Variants in PLK3 observed in about 807,000 individuals in gnomAD.
PLK3 encodes the protein polo like kinase 3.
In PLK3, 41 loss-of-function variants were observed where a neutral mutation model predicts 71.6. The observed-to-expected ratio is 0.57, with a 90% CI of 0.45 to 0.74. PLK3 has a LOEUF of 0.74. Ranked by LOEUF, PLK3 falls within the 30% of genes least tolerant of loss-of-function variation. The pLI, the probability that PLK3 is intolerant of heterozygous loss-of-function variation, is 0.00. For synonymous variants in PLK3, 366 were observed against 355.4 expected (o/e 1.03, Z -0.33); for missense variants, 791 against 875.6 (o/e 0.90, Z 1.22).
At position 44,800,482 on chromosome 1, in the gene PLK3, T is replaced by C; in HGVS notation, c.19T>C (p.Phe7Leu). Residue 7 changes from phenylalanine to leucine, a missense_variant, in exon 1 of 15, where the codon TTC becomes CTC. Phe to Leu is a conservative substitution (Grantham distance 22). Transcript: ENST00000372201. The surrounding 1 kb of genome is among the most constrained non-coding windows in gnomAD (Gnocchi z 6.5). Reference sequence around the variant, plus strand: ...CGGCCGCATGGAGCCTGCCGCCGGTTTCCTGTCTCCGCGCCCCTTCCAGCG... The same window carrying C: ...CGGCCGCATGGAGCCTGCCGCCGGTCTCCTGTCTCCGCGCCCCTTCCAGCG... MEPAAG[F>L]LSPRPFQRAA... 1 of 1,429,870 alleles carries C rather than the reference T, an allele frequency of 7.0e-7. No homozygotes were observed. The highest frequency in any genetic ancestry group is 9.1e-7 in the Non-Finnish European group (1 of 1,097,732). The allele number at this position is 1,429,870 out of a possible 1,614,324, so 88.6% of individuals were successfully genotyped here.
chr1:44,804,827 C>G (rs753842287), intron 13 of PLK3, 48 bp downstream of exon 13: 2 of 1,595,862 alleles, frequency 1.3e-6, no homozygotes, highest in Admixed American at 3.4e-5. Context: ...CCATCCTGGC[C>G]GGGTGCGGTG....
Position 44,804,008 on chromosome 1 carries a change from G to A in PLK3, c.1242G>A (p.Leu414=). Residue 414 remains leucine (L), a synonymous_variant, in exon 10 of 15, where the codon CTG becomes CTA. Coordinates refer to ENST00000372201, the MANE Select transcript of PLK3 (RefSeq NM_004073.4). ...AAGACAGCTCACCCCGTGGGACACTGGCAAGCAGTGGAGATGGTGAGGAGC... is the reference window on the plus strand; with the variant it reads ...AAGACAGCTCACCCCGTGGGACACTAGCAAGCAGTGGAGATGGTGAGGAGC... ...APEDSSPRGT[L]ASSGDGFEEG... 1 of 1,554,486 alleles carries A rather than the reference G, an allele frequency of 6.4e-7. No homozygotes were observed. The highest frequency in any genetic ancestry group is 2.4e-5 in the East Asian group (1 of 41,332).
At chr1:44,802,050 G>A (rs1365637076) in intron 5 of PLK3, 118 bp downstream of exon 5, 38 of 777,770 alleles carry the variant, frequency 4.9e-5, no homozygotes, top group Non-Finnish European at 1.7e-5. Flanking sequence ...AATGGGAAGG[G>A]ATGATGGGCT....
chr1:44,804,435 T>A lies in PLK3; in HGVS notation c.1439T>A (p.Leu480Gln), dbSNP rs1651940299. ...AATAAGTTCGGCTTTGGGTATCAAC[T>A]GTCCAGCCGCCGTGTGGCTGTGCTC... is the stretch of plus-strand genomic sequence containing the variant. The part of the protein sequence containing the change: ...YSNKFGFGYQ[L>Q]SSRRVAVLFN... The change falls in exon 12 of 15, where the codon CTG becomes CAG. Residue 480 changes from leucine (L) to glutamine (Q), a missense_variant. By Grantham distance (113) the Leu-to-Gln change is moderately radical. Transcript: ENST00000372201. 5 of 1,614,104 alleles carry A rather than the reference T, an allele frequency of 3.1e-6. No homozygotes were observed. The highest frequency in any genetic ancestry group is 4.2e-6 in the Non-Finnish European group (5 of 1,180,040).
intron 3 of PLK3, 51 bp downstream of exon 3, chr1:44,801,203 CTTTT>C (rs34463102): frequency 6.1e-3 from 2,088 of 341,952 alleles, no homozygotes; most frequent in East Asian, 0.013. Flanking sequence ...AGAAGACAGT[CTTTT>C]TTTTTTTTTT....
In PLK3 at chr1:44,803,736, C is replaced by G; in HGVS notation, c.1164+45C>G. 6.9e-7 allele frequency: 1 copy of G among 1,448,268 alleles called. No individual in the cohort carries two copies. The highest frequency in any genetic ancestry group is 1.7e-4 in the Middle Eastern group (1 of 5,762). The allele number at this position is 1,448,268 out of a possible 1,614,324, so 89.7% of individuals were successfully genotyped here. ...ACTGTTCCCCTGACTCACCCCCACC[C>G]TAGCAGCTGAGGGAAGCCGGGGATA... is the stretch of plus-strand genomic sequence containing the variant. On this transcript the variant is annotated intron_variant, in intron 9 of 14. Transcript: ENST00000372201. The surrounding 1 kb of genome is among the most constrained non-coding windows in gnomAD (Gnocchi z 4.3).
In PLK3 at chr1:44,801,944, G is replaced by A. The variant is rs1420065893; in HGVS notation, c.653+12G>A. The A allele has an allele frequency of 6.2e-7, 1 of 1,600,536 alleles. No homozygotes were observed. Among genetic ancestry groups the A allele is most frequent in the African/African-American group, 1.3e-5 (1 of 74,636 alleles). On this transcript the variant is annotated intron_variant, in intron 5 of 14. Transcript: ENST00000372201. ...GAGCAGAGGAAGAAGTGAGTTTTGAGGAAAGGGGCCCTGTGTGTGATACAG... is the reference window on the plus strand; with the variant it reads ...GAGCAGAGGAAGAAGTGAGTTTTGAAGAAAGGGGCCCTGTGTGTGATACAG...
rs1245269567 is a variant in PLK3, at chr1:44,805,109, A to C, written c.1636-157A>C. On this transcript the variant is annotated intron_variant, in intron 13 of 14. Transcript: ENST00000372201. ...CAACAGAGCGAGACTCCATCTCAAA[A>C]AAAAAAAATAAAGAAAAGAAAACTA... The C allele has an allele frequency of 5.0e-6, 3 of 605,212 alleles. No homozygotes were observed. In the African/African-American group the frequency reaches 5.6e-5, roughly 11 times the overall value. 37.5% of individuals were successfully genotyped at this position (605,212 alleles called of 1,614,324 possible). A position where few individuals can be genotyped will look rare whatever the true frequency, so the allele number is the denominator to read the frequency against.
rs1651938705 is a variant in PLK3 at position 44,804,382 on chromosome 1, G to A, written c.1386G>A (p.Val462=). Residue 462 remains valine (V), a synonymous_variant, in exon 12 of 15, where the codon GTG becomes GTA. Transcript: ENST00000372201. ...CCCTGGCCCAGCCAGAGCCTCTGGT[G>A]TGGGTCAGCAAGTGGGTTGACTACT... is the stretch of plus-strand genomic sequence containing the variant. The part of the protein sequence containing the change: ...PAPLAQPEPL[V]WVSKWVDYSN... 6.2e-7 allele frequency: 1 copy of A among 1,614,192 alleles called. No individual in the cohort carries two copies. The highest frequency in any genetic ancestry group is 8.5e-7 in the Non-Finnish European group (1 of 1,180,018).
In PLK3 at chr1:44,801,876, G is replaced by C. The variant is rs1156433401; in HGVS notation, c.597G>C (p.Leu199=). The C allele has an allele frequency of 1.2e-6, 2 of 1,613,996 alleles. No homozygotes were observed. The highest frequency in any genetic ancestry group is 1.7e-6 in the Non-Finnish European group (2 of 1,179,942). ...GNFFITENME[L]KVGDFGLAAR... Reference sequence around the variant, plus strand: ...TTTTCATCACTGAGAACATGGAACTGAAGGTGGGGGATTTTGGGCTGGCAG... The same window carrying C: ...TTTTCATCACTGAGAACATGGAACTCAAGGTGGGGGATTTTGGGCTGGCAG... Residue 199 remains leucine, a synonymous_variant, in exon 5 of 15, where the codon CTG becomes CTC. Coordinates refer to ENST00000372201, the MANE Select transcript of PLK3 (RefSeq NM_004073.4).
At position 44,800,679 on chromosome 1, in the gene PLK3, C is replaced by A; in HGVS notation, c.210+6C>A. The A allele has an allele frequency of 1.3e-6, 2 of 1,552,006 alleles. No homozygotes were observed. Among genetic ancestry groups the A allele is most frequent in the Admixed American group, 1.9e-5 (1 of 52,288 alleles). On this transcript the variant is annotated splice_donor_region_variant and intron_variant, in intron 1 of 14. Transcript: ENST00000372201. The surrounding 1 kb of genome is among the most constrained non-coding windows in gnomAD (Gnocchi z 6.5). ...AAGGCCGCTTGTTGGGCAAGGTGGG[C>A]CGAGGGACGTCCGCGGGGTGGTGAT...
intron 13 of PLK3, chr1:44,805,061 G>A (rs4520451): frequency 1.4e-5 from 8 of 581,864 alleles, no homozygotes; most frequent in East Asian, 5.7e-5. Flanking sequence ...CAGAGATGGC[G>A]CACCATTGCA....
Position 44,803,816 on chromosome 1 carries a change from C to A in PLK3, c.1165-115C>A. 8.8e-7 allele frequency: 1 copy of A among 1,130,130 alleles called. No individual in the cohort carries two copies. The highest frequency in any genetic ancestry group is 1.3e-6 in the Non-Finnish European group (1 of 765,740). The allele number at this position is 1,130,130 out of a possible 1,614,324, so 70.0% of individuals were successfully genotyped here. On this transcript the variant is annotated intron_variant, in intron 9 of 14. Transcript: ENST00000372201. This position sits in a 1 kb window ranked among gnomAD's most constrained non-coding sequence, Gnocchi z 4.3. ...GGTGGCCTAATTGGCTGTGTGTCAC[C>A]AGCCTGGCGGGGCTGACCTGGGGTG... is the stretch of plus-strand genomic sequence containing the variant.
Position 44,800,438 on chromosome 1 carries a change from G to T in PLK3, c.-26G>T. ...GGGGCCGGGCGGAACCGAGAAGCCG[G>T]GACCGCGCTGCGACGCGCCGGCCGC... is the stretch of plus-strand genomic sequence containing the variant. On this transcript the variant is annotated 5_prime_UTR_variant, in exon 1 of 15. Transcript: ENST00000372201. The surrounding 1 kb of genome is among the most constrained non-coding windows in gnomAD (Gnocchi z 6.5). 1 of 1,322,994 alleles carries T rather than the reference G, an allele frequency of 7.6e-7. No individual in the cohort carries two copies. Among genetic ancestry groups the T allele is most frequent in the African/African-American group, 1.6e-5 (1 of 64,348 alleles). The allele number at this position is 1,322,994 out of a possible 1,614,324, so 82.0% of individuals were successfully genotyped here. A position where few individuals can be genotyped will look rare whatever the true frequency, so the allele number is the denominator to read the frequency against.
rs781376121 is a variant in PLK3, at chr1:44,804,025, G to T, written c.1258+1G>T. The T allele has an allele frequency of 2.6e-6, 4 of 1,553,488 alleles. No homozygotes were observed. The African/African-American group carries it at 5.5e-5, about 21-fold the overall frequency. On this transcript the variant is annotated splice_donor_variant, in intron 10 of 14. Coordinates refer to ENST00000372201, the MANE Select transcript of PLK3 (RefSeq NM_004073.4). LOFTEE classifies it high-confidence loss of function. ...GGGACACTGGCAAGCAGTGGAGATGGTGAGGAGCCAGGGAGGATGAGAGGT... is the reference window on the plus strand; with the variant it reads ...GGGACACTGGCAAGCAGTGGAGATGTTGAGGAGCCAGGGAGGATGAGAGGT...
At position 44,803,186 on chromosome 1, in the gene PLK3, G is replaced by A. The variant is rs1651893375; in HGVS notation, c.948+33G>A. 6.2e-7 allele frequency: 1 copy of A among 1,612,564 alleles called. No homozygotes were observed. ...GCTCCCCAGACCTCTAAGTCCATCT[G>A]TGTATTCCCAGGGATTGAAAGGGGG... is the stretch of plus-strand genomic sequence containing the variant. On this transcript the variant is annotated intron_variant, in intron 7 of 14. Coordinates refer to ENST00000372201, the MANE Select transcript of PLK3 (RefSeq NM_004073.4). The surrounding 1 kb of genome is among the most constrained non-coding windows in gnomAD (Gnocchi z 4.3).
In PLK3 at chr1:44,801,722, G is replaced by GC. The variant is rs1354570806; in HGVS notation, c.537dup (p.Gly180ArgfsTer16). On this transcript the variant is annotated frameshift_variant, in exon 4 of 15. Transcript: ENST00000372201. LOFTEE classifies it high-confidence loss of function. Reference sequence around the variant, plus strand: ...TCTGGCCTCAAGTACTTGCACCAGCGCGGCATCTTGCACCGGGACCTCAAG... The same window carrying GC: ...TCTGGCCTCAAGTACTTGCACCAGCGCCGGCATCTTGCACCGGGACCTCAAG... 3.1e-6 allele frequency: 5 copies of GC among 1,612,974 alleles called. No homozygotes were observed. Among genetic ancestry groups the GC allele is most frequent in the Non-Finnish European group, 4.2e-6 (5 of 1,179,812 alleles).
chr1:44,804,097 G>T, intron 10 of PLK3, 66 bp from the exon 11 acceptor site: 2 of 1,542,096 alleles, frequency 1.3e-6, no homozygotes, highest in Admixed American at 3.4e-5. Flanking sequence ...GGAAGGAGTG[G>T]GCAGAGGGGC....
intron 3 of PLK3, 102 bp downstream of exon 3, chr1:44,801,254 G>A: frequency 1.4e-6 from 1 of 718,448 alleles, no homozygotes; most frequent in Non-Finnish European, 2.2e-6. Flanking sequence ...CTGTTGCCCA[G>A]GCTGGAGTGC....
Sources: gnomAD v4.1 joint callset for allele counts on GRCh38, gnomAD v4.1.1 for gene constraint, Gnocchi (gnomAD v3.1) non-coding constraint, MANE v1.5 for transcripts, NCBI Gene and HGNC (gene_info 2026-07-23, HGNC 2026-07-21) for gene names.